The following TARBP1 variants were observed in gnomAD, a reference collection of about 807,000 sequenced individuals.
TARBP1 encodes the protein tRNA (guanosine(18)-2'-O)-methyltransferase TARBP1.
A neutral mutation model predicts 178.6 loss-of-function variants in TARBP1; 144 were observed. That is an observed-to-expected ratio of 0.81 (90% CI 0.70 to 0.93). The LOEUF is 0.93. Ranked by LOEUF, TARBP1 falls within the 40% of genes least tolerant of loss-of-function variation. TARBP1 has a pLI of 0.00. For missense variants in TARBP1, 2,067 were observed against 2,011.7 expected (o/e 1.03, Z -0.53); for synonymous variants, 787 against 781.0 (o/e 1.01, Z -0.13).
chr1:234,470,843 TG>T (rs1459308282), intron 3 of TARBP1, among the ~76,000 whole-genome samples: 43 of 152,300 alleles, frequency 2.8e-4, no homozygotes, highest in Non-Finnish European at 5.7e-4. Flanking sequence ...CTTGAACTCC[TG>T]ACCTCAGGTG....
At chr1:234,431,413 T>A (rs559971895) in intron 14 of TARBP1, among the ~76,000 whole-genome samples, 136 of 152,370 alleles carry the variant, frequency 8.9e-4, no homozygotes, top group African/African-American at 3.2e-3. Flanking sequence ...ACTCACAATG[T>A]TCTTTCATAA....
intron 23 of TARBP1, chr1:234,406,928 T>C (rs1238201721): frequency 6.6e-6 from 1 of 152,262 alleles, no homozygotes; most frequent in Non-Finnish European, 1.5e-5. Flanking sequence ...CAGTTTCTAC[T>C]GACCAATTCA....
intron 1 of TARBP1, among the ~76,000 whole-genome samples, chr1:234,474,880 G>A (rs866583498): frequency 5.9e-5 from 9 of 152,196 alleles, no homozygotes; most frequent in Middle Eastern, 3.2e-3. Flanking sequence ...ACTGTTGTGC[G>A]GTGGGTGGGG....
At chr1:234,465,901 G>A (rs1668386698) in intron 4 of TARBP1, among the ~76,000 whole-genome samples, 193 bp from the exon 5 acceptor site, 1 of 151,966 alleles carries the variant, frequency 6.6e-6, no homozygotes, top group Admixed American at 6.6e-5. Context: ...GAAAAACAAA[G>A]TAAGTACAGA....
intron 9 of TARBP1, among the ~76,000 whole-genome samples, chr1:234,454,540 T>C (rs1667100586): frequency 6.6e-6 from 1 of 152,138 alleles, no homozygotes; most frequent in Non-Finnish European, 1.5e-5. Context: ...GATGGGTACA[T>C]GAGAGTTCAT....
chr1:234,467,742 A>G, intron 3 of TARBP1, 92 bp from the exon 4 acceptor site: 1 of 1,235,794 alleles, frequency 8.1e-7, no homozygotes, highest in Non-Finnish European at 1.1e-6. Flanking sequence ...AAACACACAC[A>G]ATAACTTCAT....
chr1:234,449,152 C>G (rs1051581190), intron 10 of TARBP1, among the ~76,000 whole-genome samples: 4 of 152,116 alleles, frequency 2.6e-5, no homozygotes, highest in Admixed American at 2.0e-4. Flanking sequence ...CACTAAGTGA[C>G]AGGGAGCAGC....
At chr1:234,455,671 CAG>C (rs1482830764) in intron 9 of TARBP1, among the ~76,000 whole-genome samples, 2 of 151,984 alleles carry the variant, frequency 1.3e-5, no homozygotes, top group Non-Finnish European at 2.9e-5. Context: ...AAGAGCAAAA[CAG>C]AAATAAGACA....
chr1:234,462,506 C>A (rs192475256), intron 6 of TARBP1, among the ~76,000 whole-genome samples: 5 of 152,032 alleles, frequency 3.3e-5, no homozygotes, highest in African/African-American at 9.7e-5. Context: ...CTGGCCAACA[C>A]GGTGAAACCC....
intron 17 of TARBP1, among the ~76,000 whole-genome samples, chr1:234,428,037 A>G (rs921952376): frequency 6.6e-6 from 1 of 152,188 alleles, no homozygotes; most frequent in African/African-American, 2.4e-5. Context: ...CAAAGGGGAA[A>G]AACACCTCAC....
At chr1:234,435,183 C>T (rs1436908485) in intron 13 of TARBP1, among the ~76,000 whole-genome samples, 1 of 152,176 alleles carries the variant, frequency 6.6e-6, no homozygotes, top group Non-Finnish European at 1.5e-5. Flanking sequence ...GGTGCAGTGG[C>T]TCACGCCTGT....
intron 4 of TARBP1, among the ~76,000 whole-genome samples, chr1:234,466,040 A>C (rs534278210): frequency 6.6e-6 from 1 of 152,190 alleles, no homozygotes; most frequent in Non-Finnish European, 1.5e-5. Context: ...AAAACCAAAA[A>C]GATACTCAAG....
At chr1:234,448,638 T>G in intron 10 of TARBP1, 59 bp from the exon 11 acceptor site, 1 of 1,377,526 alleles carries the variant, frequency 7.3e-7, no homozygotes. Flanking sequence ...AGGATGATGC[T>G]TCAAAAAAAC....
intron 12 of TARBP1, among the ~76,000 whole-genome samples, chr1:234,440,796 C>A (rs921619780): frequency 6.6e-6 from 1 of 152,114 alleles, no homozygotes; most frequent in Non-Finnish European, 1.5e-5. Flanking sequence ...AGCTTCCCCT[C>A]AAAAGAAATA....
Position 234,463,888 on chromosome 1 carries a change from A to C in TARBP1, c.1348T>G (p.Leu450Val), listed in dbSNP as rs1668164586. The change falls in exon 6 of 30, where the codon TTA becomes GTA. Residue 450 changes from leucine (L) to valine (V), a missense_variant. Physicochemically the swap from Leu to Val is conservative, Grantham distance 32. Coordinates refer to ENST00000040877, the MANE Select transcript of TARBP1 (RefSeq NM_005646.4). Reference sequence around the variant, plus strand: ...ATATAAGTGACTAAAAACTTCTGTAATTTCAGTCCCAATGGAGAACAGCTT... The same window carrying C: ...ATATAAGTGACTAAAAACTTCTGTACTTTCAGTCCCAATGGAGAACAGCTT... ...IGSCSPLGLK[L>V]QKFLVTYISL... is the part of the protein sequence containing the mutation. 6.3e-7 allele frequency: 1 copy of C among 1,599,388 alleles called. No individual in the cohort carries two copies.
At chr1:234,460,984 T>C (rs1667801002) in intron 6 of TARBP1, among the ~76,000 whole-genome samples, 1 of 152,166 alleles carries the variant, frequency 6.6e-6, no homozygotes, top group African/African-American at 2.4e-5. Context: ...GTTGAGAATA[T>C]GCAAATCTAT....
At position 234,478,330 on chromosome 1, in the gene TARBP1, G is replaced by A; in HGVS notation, c.774C>T (p.Asp258=). 3.8e-6 allele frequency: 5 copies of A among 1,328,218 alleles called. No individual in the cohort carries two copies. Among genetic ancestry groups the A allele is most frequent in the Non-Finnish European group, 4.8e-6 (5 of 1,042,678 alleles). 82.3% of individuals were successfully genotyped at this position (1,328,218 alleles called of 1,614,324 possible). A position where few individuals can be genotyped will look rare whatever the true frequency, so the allele number is the denominator to read the frequency against. Residue 258 remains aspartate, a synonymous_variant, in exon 1 of 30, where the codon GAC becomes GAT. Transcript: ENST00000040877. The part of the protein sequence containing the change: ...RARGAREAGP[D]ARRCWRFWRT... ...TCCAGAAGCGCCAGCAGCGCCGGGCGTCCGGGCCCGCCTCGCGCGCGCCGC... is the reference window on the plus strand; with the variant it reads ...TCCAGAAGCGCCAGCAGCGCCGGGCATCCGGGCCCGCCTCGCGCGCGCCGC...
At chr1:234,458,962 A>G (rs946781343) in intron 8 of TARBP1, among the ~76,000 whole-genome samples, 1 of 152,214 alleles carries the variant, frequency 6.6e-6, no homozygotes, top group Middle Eastern at 3.2e-3. Context: ...GGTTTTCAGC[A>G]TAAACCACAT....
chr1:234,476,579 T>C (rs1399446987), intron 1 of TARBP1, among the ~76,000 whole-genome samples: 2 of 152,158 alleles, frequency 1.3e-5, no homozygotes. Flanking sequence ...TCGTGGTAAG[T>C]ATAGAAAGAA....
Sources: allele counts gnomAD v4.1 joint callset (sites outside exome capture counted in the v4.1 genomes callset), GRCh38; gene constraint gnomAD v4.1.1; transcripts MANE v1.5; gene names NCBI Gene and HGNC (gene_info 2026-07-23, HGNC 2026-07-21).